Variants in CSMD1 observed in about 807,000 individuals in gnomAD.
The protein encoded by CSMD1 is CUB and Sushi multiple domains 1.
CSMD1 carries 213 observed loss-of-function variants against 417.5 expected under a neutral mutation model. The ratio of observed to expected loss-of-function variants is 0.51; its 90% confidence interval spans 0.46 to 0.57. The LOEUF (loss-of-function observed/expected upper bound fraction) is 0.57. Ranked by LOEUF, CSMD1 falls within the 20% of genes least tolerant of loss-of-function variation. The probability of loss-of-function intolerance (pLI) is 0.00; values close to 1 mark genes in which losing one functional copy is unlikely to be tolerated. For missense variants in CSMD1, 6,923 were observed against 4,529.7 expected (o/e 1.53, Z -15.17); for synonymous variants, 2,862 against 1,736.8 (o/e 1.65, Z -16.11).
chr8:4,748,029 A>C (rs992249830), intron 1 of CSMD1, among the ~76,000 whole-genome samples: 1 of 152,162 alleles, frequency 6.6e-6, no homozygotes, highest in Non-Finnish European at 1.5e-5. Context: ...TCCAAACTCT[A>C]TGTAGAAGTA....
At chr8:4,915,302 C>G (rs1290569364) in intron 1 of CSMD1, among the ~76,000 whole-genome samples, 1 of 152,164 alleles carries the variant, frequency 6.6e-6, no homozygotes, top group East Asian at 1.9e-4. Flanking sequence ...CAAAAGCAGA[C>G]TTTCCCGTGT....
chr8:4,039,029 C>G (rs931923710), intron 3 of CSMD1, among the ~76,000 whole-genome samples: 1 of 147,172 alleles, frequency 6.8e-6, no homozygotes, highest in African/African-American at 2.6e-5. Context: ...AGTATCTTTC[C>G]AAAAGAAAAG....
intron 3 of CSMD1, among the ~76,000 whole-genome samples, chr8:4,256,430 G>T (rs1455954062): frequency 5.9e-5 from 9 of 152,186 alleles, no homozygotes; most frequent in Non-Finnish European, 7.3e-5. Context: ...GCACAGAATT[G>T]TGAAGATTAA....
chr8:3,526,554 T>C (rs190726694), intron 10 of CSMD1, among the ~76,000 whole-genome samples: 1 of 152,224 alleles, frequency 6.6e-6, no homozygotes, highest in African/African-American at 2.4e-5. Context: ...GGCCCCAGAG[T>C]GTCACTAATG....
intron 5 of CSMD1, among the ~76,000 whole-genome samples, chr8:3,895,775 C>T (rs993863982): frequency 6.6e-6 from 1 of 152,020 alleles, no homozygotes; most frequent in Non-Finnish European, 1.5e-5. Context: ...GAAATATTTC[C>T]TACGGTCATA....
chr8:4,168,288 G>A (rs967139820), intron 3 of CSMD1, among the ~76,000 whole-genome samples: 49 of 151,818 alleles, frequency 3.2e-4, no homozygotes, highest in Middle Eastern at 6.8e-3. Flanking sequence ...CAACTACACA[G>A]GAGGCTGAGG....
intron 2 of CSMD1, among the ~76,000 whole-genome samples, chr8:4,473,501 A>G (rs2130070234): frequency 6.6e-6 from 1 of 151,582 alleles, no homozygotes; most frequent in Middle Eastern, 3.4e-3. Flanking sequence ...AAGAACCCCC[A>G]CTCCCCTCTT....
At chr8:4,118,293 C>G (rs773895505) in intron 3 of CSMD1, among the ~76,000 whole-genome samples, 1 of 152,030 alleles carries the variant, frequency 6.6e-6, no homozygotes, top group East Asian at 1.9e-4. Flanking sequence ...TGAAGAAGTT[C>G]GACCTGTATG....
chr8:4,637,442 T>G lies in CSMD1; in HGVS notation c.202A>C (p.Asn68His). The G allele has an allele frequency of 6.2e-7, 1 of 1,613,904 alleles. No individual in the cohort carries two copies. Among genetic ancestry groups the G allele is most frequent in the Middle Eastern group, 1.6e-4 (1 of 6,062 alleles). ...CTWIIITGER[N>H]RIQLSFHTFA... ...GTATGGAAGGACAACTGTATCCTAT[T>G]GCGCTCGCCCGTGATGATGATCCAG... The change falls in exon 2 of 70, where the codon AAT (asparagine) becomes CAT (histidine). Residue 68 changes from asparagine to histidine, a missense_variant. Coordinates refer to ENST00000635120, the MANE Select transcript of CSMD1 (RefSeq NM_033225.6).
chr8:4,372,190 G>C (rs1802437824), intron 3 of CSMD1, among the ~76,000 whole-genome samples: 1 of 152,160 alleles, frequency 6.6e-6, no homozygotes, highest in Non-Finnish European at 1.5e-5. Context: ...TTTTTTGTCA[G>C]TATTAGCCAT....
chr8:3,261,458 C>G (rs772491203), intron 26 of CSMD1, among the ~76,000 whole-genome samples: 1 of 152,112 alleles, frequency 6.6e-6, no homozygotes, highest in Non-Finnish European at 1.5e-5. Context: ...CAAATCACCA[C>G]TGAAGAACTT....
At chr8:4,670,558 C>A (rs1033039169) in intron 1 of CSMD1, among the ~76,000 whole-genome samples, 8 of 152,064 alleles carry the variant, frequency 5.3e-5, no homozygotes, top group African/African-American at 1.9e-4. Context: ...TGATCGTTAC[C>A]CTTAATATAA....
intron 7 of CSMD1, among the ~76,000 whole-genome samples, chr8:3,657,897 C>T: frequency 6.6e-6 from 1 of 152,116 alleles, no homozygotes; most frequent in East Asian, 1.9e-4. Context: ...TACCCTGGAG[C>T]TTCTGTGCAA....
intron 3 of CSMD1, among the ~76,000 whole-genome samples, chr8:4,170,961 G>A (rs1275854618): frequency 6.6e-6 from 1 of 151,822 alleles, no homozygotes; most frequent in Non-Finnish European, 1.5e-5. Context: ...CATTATCCCA[G>A]GGCTGCAGTT....
At chr8:3,843,198 A>G (rs1384242369) in intron 5 of CSMD1, among the ~76,000 whole-genome samples, 2 of 152,136 alleles carry the variant, frequency 1.3e-5, no homozygotes, top group Non-Finnish European at 2.9e-5. Flanking sequence ...TGTTTCCTTG[A>G]AAACCTTGCT....
At chr8:4,843,215 G>A (rs1012591423) in intron 1 of CSMD1, among the ~76,000 whole-genome samples, 7 of 152,088 alleles carry the variant, frequency 4.6e-5, no homozygotes, top group African/African-American at 1.2e-4. Context: ...GGAACAGGGC[G>A]CTTTCCTGCA....
intron 5 of CSMD1, among the ~76,000 whole-genome samples, chr8:3,839,730 C>T (rs1055746711): frequency 2.7e-5 from 4 of 149,930 alleles, no homozygotes; most frequent in South Asian, 2.1e-4. Flanking sequence ...TAAAGCACTT[C>T]GCTTGCTGTT....
At chr8:4,645,647 G>A (rs188532328) in intron 1 of CSMD1, among the ~76,000 whole-genome samples, 1 of 152,126 alleles carries the variant, frequency 6.6e-6, no homozygotes, top group Non-Finnish European at 1.5e-5. Flanking sequence ...AGATGTCGAA[G>A]GTAGGAAGCA....
intron 7 of CSMD1, among the ~76,000 whole-genome samples, chr8:3,642,933 C>T (rs916877429): frequency 3.3e-5 from 5 of 151,314 alleles, no homozygotes; most frequent in African/African-American, 7.3e-5. Context: ...GATAAAACCA[C>T]TAATAGTTAA....
Sources: allele counts gnomAD v4.1 joint callset (sites outside exome capture counted in the v4.1 genomes callset), GRCh38; gene constraint gnomAD v4.1.1; transcripts MANE v1.5; gene names NCBI Gene and HGNC (gene_info 2026-07-23, HGNC 2026-07-21).